RAPGEF6: variants seen among roughly 807,000 people sequenced by gnomAD.
RAPGEF6 encodes PDZ domain containing guanine nucleotide exchange factor (GEF) 2.
RAPGEF6 carries 56 observed loss-of-function variants against 171.4 expected under a neutral mutation model. The observed-to-expected ratio is 0.33, with a 90% CI of 0.26 to 0.41. The LOEUF is 0.41. RAPGEF6 is among the 10% of genes least tolerant of loss of function. The pLI is 1.00. For synonymous variants in RAPGEF6, 692 were observed against 650.1 expected (o/e 1.06, Z -0.98); for missense variants, 1,674 against 1,921.4 (o/e 0.87, Z 2.41).
At chr5:131,517,788 C>CGT (rs1758195396) in intron 7 of RAPGEF6, among the ~76,000 whole-genome samples, 1 of 45,734 alleles carries the variant, frequency 2.2e-5, no homozygotes, top group Non-Finnish European at 8.2e-5. Context: ...TGTACACACA[C>CGT]ACACACACAC....
intron 1 of RAPGEF6, among the ~76,000 whole-genome samples, chr5:131,610,041 G>T (rs995342425): frequency 2.0e-5 from 3 of 152,164 alleles, no homozygotes; most frequent in African/African-American, 7.2e-5. Context: ...AGGCATAGCT[G>T]AACTTTCAGC....
At chr5:131,545,403 CATTAAGGAAAAAAAAAACA>C (rs1355602308) in intron 6 of RAPGEF6, among the ~76,000 whole-genome samples, 1 of 150,976 alleles carries the variant, frequency 6.6e-6, no homozygotes, top group Admixed American at 6.6e-5. Flanking sequence ...ATGGTTTACA[CATTAAGGAAAAAAAAAACA>C]AACTCAAATT....
chr5:131,634,047 G>T (rs1282495072), intron 1 of RAPGEF6, among the ~76,000 whole-genome samples: 1 of 152,118 alleles, frequency 6.6e-6, no homozygotes, highest in Non-Finnish European at 1.5e-5. Flanking sequence ...CGACCCAAAA[G>T]GTCAGCCCAA....
chr5:131,475,013 C>T (rs1755004502), intron 16 of RAPGEF6, among the ~76,000 whole-genome samples: 1 of 152,154 alleles, frequency 6.6e-6, no homozygotes, highest in Non-Finnish European at 1.5e-5. Context: ...TTAAGATGTA[C>T]AGAAAATACG....
intron 4 of RAPGEF6, among the ~76,000 whole-genome samples, chr5:131,571,265 T>A (rs1235999734): frequency 6.6e-6 from 1 of 152,036 alleles, no homozygotes. Context: ...TATTAATAGA[T>A]TGACAACAAG....
chr5:131,603,979 G>C (rs1050436556), intron 2 of RAPGEF6, among the ~76,000 whole-genome samples: 3 of 152,042 alleles, frequency 2.0e-5, no homozygotes, highest in African/African-American at 7.2e-5. Context: ...GTGTTTTATA[G>C]CACTCGAAAG....
intron 25 of RAPGEF6, among the ~76,000 whole-genome samples, chr5:131,432,727 G>T (rs572046731): frequency 6.6e-6 from 1 of 152,188 alleles, no homozygotes; most frequent in South Asian, 2.1e-4. Context: ...CAGAGTAGTT[G>T]TGACAGAGGC....
At chr5:131,630,369 T>G (rs1309966886) in intron 1 of RAPGEF6, among the ~76,000 whole-genome samples, 1 of 152,254 alleles carries the variant, frequency 6.6e-6, no homozygotes, top group Non-Finnish European at 1.5e-5. Context: ...TAAACAACTT[T>G]TATGTGCACT....
chr5:131,541,067 G>C (rs898828946), intron 6 of RAPGEF6, among the ~76,000 whole-genome samples: 1 of 152,124 alleles, frequency 6.6e-6, no homozygotes, highest in African/African-American at 2.4e-5. Context: ...AAAAAATACA[G>C]GCATTTAAAA....
Position 131,599,336 on chromosome 5 carries a change from AAAC to A in RAPGEF6, c.197+3932_197+3934del, listed in dbSNP as rs562937403. Reference sequence around the variant, plus strand: ...AGTGAGACTCTGTCTCAAAAACAAAAAACAACAACAACAACAAAACGAACAAAC... The same window carrying A: ...AGTGAGACTCTGTCTCAAAAACAAAAAACAACAACAACAAAACGAACAAAC... On this transcript the variant is annotated intron_variant, in intron 3 of 27. Transcript: ENST00000509018. Among the ~76,000 whole-genome samples, 1,073 of 152,224 alleles carry A rather than the reference AAAC, an allele frequency of 7.0e-3. 11 individuals are homozygous for A. Among genetic ancestry groups the A allele is most frequent in the African/African-American group, 0.022 (925 of 41,530 alleles).
At chr5:131,628,475 T>C (rs1357522416) in intron 1 of RAPGEF6, among the ~76,000 whole-genome samples, 1 of 152,152 alleles carries the variant, frequency 6.6e-6, no homozygotes, top group African/African-American at 2.4e-5. Context: ...TGGTGGAAGT[T>C]GGTTCATGAA....
At chr5:131,625,811 C>CA (rs36057060) in intron 1 of RAPGEF6, among the ~76,000 whole-genome samples, 58,147 of 113,312 alleles carry the variant, frequency 0.51, 14,549 homozygotes, top group Non-Finnish European at 0.62. Context: ...GACTCCGTCT[C>CA]AAAAAAAAAA....
At chr5:131,449,643 C>A (rs1752932341) in intron 21 of RAPGEF6, among the ~76,000 whole-genome samples, 1 of 152,138 alleles carries the variant, frequency 6.6e-6, no homozygotes, top group Non-Finnish European at 1.5e-5. Flanking sequence ...CCTTTCCCAT[C>A]CATACTATGG....
intron 4 of RAPGEF6, among the ~76,000 whole-genome samples, chr5:131,590,609 A>C (rs901047534): frequency 3.3e-5 from 5 of 152,154 alleles, no homozygotes; most frequent in African/African-American, 1.2e-4. Context: ...TAAATTCCCT[A>C]ATCAGTATTA....
intron 1 of RAPGEF6, among the ~76,000 whole-genome samples, chr5:131,633,499 G>A (rs1252565074): frequency 6.6e-6 from 1 of 152,122 alleles, no homozygotes; most frequent in African/African-American, 2.4e-5. Flanking sequence ...GGAGGCCAAC[G>A]CGGGCAGATC....
At chr5:131,558,746 T>C (rs1761401820) in intron 5 of RAPGEF6, among the ~76,000 whole-genome samples, 1 of 143,662 alleles carries the variant, frequency 7.0e-6, no homozygotes, top group African/African-American at 3.0e-5. Context: ...AGAAGTTGTA[T>C]TTTTTTTTCT....
At chr5:131,617,663 G>A (rs1372161103) in intron 1 of RAPGEF6, among the ~76,000 whole-genome samples, 1 of 152,208 alleles carries the variant, frequency 6.6e-6, no homozygotes, top group Non-Finnish European at 1.5e-5. Context: ...GGAGGCCGAA[G>A]TGGGTGGATC....
At chr5:131,477,790 A>T (rs1038174823) in intron 16 of RAPGEF6, among the ~76,000 whole-genome samples, 5 of 152,140 alleles carry the variant, frequency 3.3e-5, no homozygotes, top group African/African-American at 1.2e-4. Context: ...TGGAAGAAAG[A>T]TCTATTCCAG....
intron 24 of RAPGEF6, among the ~76,000 whole-genome samples, chr5:131,437,662 T>G (rs1752102272): frequency 6.6e-6 from 1 of 152,236 alleles, no homozygotes; most frequent in Admixed American, 6.5e-5. Context: ...ATCTGTGTTT[T>G]ATAAATACAC....
Sources: gnomAD v4.1 joint callset for allele counts (sites outside exome capture counted in the v4.1 genomes callset) on GRCh38, gnomAD v4.1.1 for gene constraint, MANE v1.5 for transcripts, NCBI Gene and HGNC (gene_info 2026-07-23, HGNC 2026-07-21) for gene names.